MMS22L: variants seen among roughly 807,000 people sequenced by gnomAD.
MMS22L encodes the protein protein MMS22-like.
MMS22L carries 74 observed loss-of-function variants against 159.1 expected under a neutral mutation model. The observed-to-expected ratio is 0.47, with a 90% CI of 0.39 to 0.56. MMS22L has a LOEUF of 0.56. Ranked by LOEUF, MMS22L falls within the 20% of genes least tolerant of loss-of-function variation. The probability of loss-of-function intolerance (pLI) is 0.00; values close to 1 mark genes in which losing one functional copy is unlikely to be tolerated. For missense variants in MMS22L, 1,351 were observed against 1,422.1 expected, an observed-to-expected ratio of 0.95 and a Z score of 0.80; for synonymous variants, 517 against 506.9, an observed-to-expected ratio of 1.02 and a Z score of -0.27.
intron 17 of MMS22L, among the ~76,000 whole-genome samples, chr6:97,178,840 A>AT (rs946171716): frequency 1.3e-5 from 2 of 152,042 alleles, no homozygotes; most frequent in South Asian, 2.1e-4. Flanking sequence ...AATTTGGAGG[A>AT]TTTTTTTCAG....
chr6:97,274,108 A>C (rs1197117013), intron 4 of MMS22L, among the ~76,000 whole-genome samples: 1 of 152,194 alleles, frequency 6.6e-6, no homozygotes, highest in Non-Finnish European at 1.5e-5. Context: ...TGGGCAAAAC[A>C]CTAATAATCA....
chr6:97,248,164 G>A (rs1474109656), intron 10 of MMS22L, among the ~76,000 whole-genome samples: 1 of 152,184 alleles, frequency 6.6e-6, no homozygotes, highest in Non-Finnish European at 1.5e-5. Flanking sequence ...ATGACACTCT[G>A]ATCTGTTAAC....
intron 20 of MMS22L, among the ~76,000 whole-genome samples, chr6:97,166,011 A>G (rs1047783182): frequency 2.0e-5 from 3 of 152,132 alleles, no homozygotes; most frequent in Non-Finnish European, 2.9e-5. Context: ...TCACTATTTC[A>G]TTTAAATTTC....
At position 97,162,326 on chromosome 6, in the gene MMS22L, G is replaced by C. The variant is rs1161358580; in HGVS notation, c.3222-161C>G. Among the ~76,000 whole-genome samples the C allele has an allele frequency of 4.6e-5, 7 of 152,120 alleles. No homozygotes were observed. The East Asian group carries it at 1.4e-3, about 29-fold the overall frequency. On this transcript the variant is annotated intron_variant, in intron 21 of 24. Transcript: ENST00000683635. ...TTTACCATGCTATCTTCAAACATAG[G>C]ATTTTAGAAGCAATGACTGACTGTA...
intron 14 of MMS22L, among the ~76,000 whole-genome samples, chr6:97,197,733 A>T (rs1806692058): frequency 6.6e-6 from 1 of 152,174 alleles, no homozygotes; most frequent in African/African-American, 2.4e-5. Context: ...ATTGGTGACT[A>T]AAAAAGAAAG....
At position 97,142,286 on chromosome 6, in the gene MMS22L, T is replaced by C. The variant is rs1049593421; in HGVS notation, c.*4520A>G. The C allele has an allele frequency of 6.6e-5, 10 of 152,346 alleles. No individual in the cohort carries two copies. The highest frequency in any genetic ancestry group is 4.4e-5 in the Non-Finnish European group (3 of 67,874). 9.4% of individuals were successfully genotyped at this position (152,346 alleles called of 1,614,324 possible). ...AAGCACAATTCACAAATGCAATGAA[T>C]TGGATAGCCATTGGCACATCAAAAA... is the stretch of plus-strand genomic sequence containing the variant. On this transcript the variant is annotated 3_prime_UTR_variant, in exon 25 of 25. Coordinates refer to ENST00000683635, the MANE Select transcript of MMS22L (RefSeq NM_001350599.2).
intron 14 of MMS22L, among the ~76,000 whole-genome samples, chr6:97,202,070 ATTC>A (rs1398261402): frequency 6.6e-6 from 1 of 152,190 alleles, no homozygotes; most frequent in Non-Finnish European, 1.5e-5. Context: ...AGACCACTGT[ATTC>A]TTCTTATAAC....
In MMS22L at chr6:97,173,108, T is replaced by C. The variant is rs1029720941; in HGVS notation, c.2794A>G (p.Lys932Glu). ...TGCAGCCCTGCACTGAAAACTTTTTTTCCCAAATAAGGCTTAATATATTTT... is the reference window on the plus strand; with the variant it reads ...TGCAGCCCTGCACTGAAAACTTTTTCTCCCAAATAAGGCTTAATATATTTT... ...VLKYIKPYLG[K>E]KVFSAGLQLT... The change falls in exon 19 of 25, where the codon AAA becomes GAA. Residue 932 changes from lysine (K) to glutamate (E), a missense_variant. Lys to Glu is a moderately conservative substitution (Grantham distance 56). Coordinates refer to ENST00000683635, the MANE Select transcript of MMS22L (RefSeq NM_001350599.2). The C allele has an allele frequency of 1.2e-6, 2 of 1,613,326 alleles. No individual in the cohort carries two copies. The highest frequency in any genetic ancestry group is 1.7e-6 in the Non-Finnish European group (2 of 1,179,730).
rs1258156690 is a variant in MMS22L at position 97,246,640 on chromosome 6, G to A, written c.1170C>T (p.Ser390=). The A allele has an allele frequency of 6.2e-7, 1 of 1,610,494 alleles. No homozygotes were observed. Among genetic ancestry groups the A allele is most frequent in the South Asian group, 1.1e-5 (1 of 90,302 alleles). The change falls in exon 11 of 25, where the codon TCC becomes TCT. Residue 390 remains serine (S), a synonymous_variant. Transcript: ENST00000683635. ...WNFVEELLKK[S]ISVQGVILEE... Reference sequence around the variant, plus strand: ...TTTAATTGCATACCTGAACACTGATGGACTTTTTCAGCAGTTCTTCTACAA... The same window carrying A: ...TTTAATTGCATACCTGAACACTGATAGACTTTTTCAGCAGTTCTTCTACAA...
At chr6:97,283,707 T>TA (rs1816979683), upstream of MMS22L, 2 of 152,218 alleles carry the variant, frequency 1.3e-5, no homozygotes, top group African/African-American at 4.8e-5. Context: ...TTGACCTAAT[T>TA]GACGTTTATA....
At chr6:97,238,572 C>CGTGTGTGTGTGTGT (rs71740630) in intron 11 of MMS22L, among the ~76,000 whole-genome samples, 1,594 of 91,452 alleles carry the variant, frequency 0.017, 29 homozygotes, top group African/African-American at 0.049. Context: ...TGTCTCATCT[C>CGTGTGTGTGTGTGT]GTGTGTGTGT....
At chr6:97,278,404 A>C (rs995511291) in intron 4 of MMS22L, among the ~76,000 whole-genome samples, 7 of 147,464 alleles carry the variant, frequency 4.7e-5, no homozygotes, top group East Asian at 1.9e-4. Context: ...CTCCCTATCA[A>C]AAAAAAAAAA....
At chr6:97,187,284 C>T (rs1247468202) in intron 14 of MMS22L, among the ~76,000 whole-genome samples, 1 of 152,018 alleles carries the variant, frequency 6.6e-6, no homozygotes, top group African/African-American at 2.4e-5. Context: ...AAACATAATT[C>T]GATACTGCCT....
At chr6:97,254,083 T>C (rs1296784218) in intron 10 of MMS22L, 1 of 153,068 alleles carries the variant, frequency 6.5e-6, no homozygotes, top group Non-Finnish European at 1.5e-5. Context: ...GCAAACTTCA[T>C]GGTTGTTTAA....
intron 20 of MMS22L, 22 bp downstream of exon 20, chr6:97,168,049 T>C (rs756487342): frequency 1.3e-6 from 2 of 1,545,554 alleles, no homozygotes; most frequent in Admixed American, 2.2e-5. Context: ...TTTAAACTTT[T>C]AAGCAACCAC....
chr6:97,205,067 C>T (rs911800461), intron 14 of MMS22L, among the ~76,000 whole-genome samples: 4 of 150,718 alleles, frequency 2.7e-5, no homozygotes, highest in South Asian at 2.1e-4. Context: ...CCTTAGCCTC[C>T]GGAGTAGCTG....
chr6:97,250,172 G>A (rs1240031471), intron 10 of MMS22L, among the ~76,000 whole-genome samples: 1 of 152,018 alleles, frequency 6.6e-6, no homozygotes, highest in Non-Finnish European at 1.5e-5. Context: ...TAAATCTGCT[G>A]ATAGAAAGCA....
intron 13 of MMS22L, chr6:97,230,517 C>T (rs1476000742): frequency 6.6e-6 from 1 of 152,034 alleles, no homozygotes; most frequent in Non-Finnish European, 1.5e-5. Context: ...AAGTAAAAAT[C>T]TGTTTAATTA....
chr6:97,195,547 G>C (rs954437531), intron 14 of MMS22L, among the ~76,000 whole-genome samples: 2 of 152,140 alleles, frequency 1.3e-5, no homozygotes, highest in Non-Finnish European at 2.9e-5. Context: ...TACAAATGGT[G>C]TTCCATTTGT....
Sources: gnomAD v4.1 joint callset for allele counts (sites outside exome capture counted in the v4.1 genomes callset) on GRCh38, gnomAD v4.1.1 for gene constraint, MANE v1.5 for transcripts, NCBI Gene and HGNC (gene_info 2026-07-23, HGNC 2026-07-21) for gene names.